The following PRKCE variants were observed in gnomAD, a reference collection of about 807,000 sequenced individuals.
The protein encoded by PRKCE is protein kinase C epsilon type.
In PRKCE, 16 loss-of-function variants were observed where a neutral mutation model predicts 85.4. The ratio of observed to expected loss-of-function variants is 0.19; its 90% CI spans 0.13 to 0.28. The LOEUF (loss-of-function observed/expected upper bound fraction) is 0.28. PRKCE is among the 10% of genes least tolerant of loss of function. PRKCE has a pLI of 1.00. For missense variants in PRKCE, 573 were observed against 975.2 expected (o/e 0.59, Z 5.49); for synonymous variants, 388 against 371.5 (o/e 1.04, Z -0.51).
chr2:45,726,374 G>T (rs1414901394), intron 1 of PRKCE, among the ~76,000 whole-genome samples: 1 of 152,114 alleles, frequency 6.6e-6, no homozygotes, highest in Non-Finnish European at 1.5e-5. Flanking sequence ...TTGCTGTGGG[G>T]TTGCCACAGC....
At chr2:45,934,984 G>T (rs768857364) in intron 2 of PRKCE, among the ~76,000 whole-genome samples, 1 of 151,420 alleles carries the variant, frequency 6.6e-6, no homozygotes, top group African/African-American at 2.4e-5. Context: ...TTGCTTGATC[G>T]TGGGAGGTTG....
At chr2:46,030,955 T>A (rs940943528) in intron 10 of PRKCE, among the ~76,000 whole-genome samples, 1 of 152,234 alleles carries the variant, frequency 6.6e-6, no homozygotes, top group African/African-American at 2.4e-5. Context: ...CGGTCCTGTA[T>A]ACATCATTTG....
intron 2 of PRKCE, among the ~76,000 whole-genome samples, chr2:45,898,276 AAG>A (rs1361358639): frequency 6.6e-6 from 1 of 152,202 alleles, no homozygotes; most frequent in Non-Finnish European, 1.5e-5. Flanking sequence ...AGGGAGGAGT[AAG>A]AGAGAATTTG....
At chr2:45,945,672 C>A (rs1448140250) in intron 2 of PRKCE, among the ~76,000 whole-genome samples, 1 of 152,226 alleles carries the variant, frequency 6.6e-6, no homozygotes, top group Non-Finnish European at 1.5e-5. Flanking sequence ...CCTCACAGTC[C>A]CCTGCAAGGC....
At chr2:45,885,477 G>T (rs1695226340) in intron 2 of PRKCE, among the ~76,000 whole-genome samples, 2 of 152,200 alleles carry the variant, frequency 1.3e-5, no homozygotes, top group African/African-American at 4.8e-5. Flanking sequence ...TTGGGTTGGA[G>T]AGAGAGAGTG....
intron 1 of PRKCE, among the ~76,000 whole-genome samples, chr2:45,800,952 A>T (rs1330551149): frequency 6.6e-6 from 1 of 152,226 alleles, no homozygotes; most frequent in East Asian, 1.9e-4. Context: ...AAACTAACGC[A>T]GTCATAGAGA....
chr2:45,727,427 C>T (rs1019196144), intron 1 of PRKCE, among the ~76,000 whole-genome samples: 2 of 152,058 alleles, frequency 1.3e-5, no homozygotes, highest in African/African-American at 2.4e-5. Context: ...GGGGGCTTCC[C>T]GGAGGACGGG....
chr2:45,726,035 C>G (rs2104505521), intron 1 of PRKCE, among the ~76,000 whole-genome samples: 1 of 152,272 alleles, frequency 6.6e-6, no homozygotes, highest in Non-Finnish European at 1.5e-5. Flanking sequence ...GAAATGGAGC[C>G]TGGCGATGTG....
At chr2:45,729,047 A>C (rs888331653) in intron 1 of PRKCE, among the ~76,000 whole-genome samples, 1 of 152,096 alleles carries the variant, frequency 6.6e-6, no homozygotes, top group African/African-American at 2.4e-5. Flanking sequence ...CCCACCAGGG[A>C]TCTTGCTCTC....
intron 1 of PRKCE, among the ~76,000 whole-genome samples, chr2:45,787,820 G>A (rs1289201456): frequency 1.3e-5 from 2 of 152,142 alleles, no homozygotes; most frequent in African/African-American, 4.8e-5. Flanking sequence ...TGACCTCAAG[G>A]GATGAAGTTC....
chr2:45,783,958 G>T (rs767151613), intron 1 of PRKCE, among the ~76,000 whole-genome samples: 4 of 152,190 alleles, frequency 2.6e-5, no homozygotes, highest in African/African-American at 9.6e-5. Context: ...CCATGACTTC[G>T]AACTTTGTTA....
chr2:46,095,902 C>G (rs1670637979), intron 11 of PRKCE, among the ~76,000 whole-genome samples: 1 of 152,244 alleles, frequency 6.6e-6, no homozygotes, highest in African/African-American at 2.4e-5. Context: ...TAGCCAGACA[C>G]TATTCTAAAC....
intron 2 of PRKCE, among the ~76,000 whole-genome samples, chr2:45,968,013 G>A (rs1402934164): frequency 6.6e-6 from 1 of 152,164 alleles, no homozygotes; most frequent in Admixed American, 6.5e-5. Context: ...AACACAAAGG[G>A]TAGGGGACTG....
At chr2:45,957,375 T>C (rs1701042283) in intron 2 of PRKCE, among the ~76,000 whole-genome samples, 1 of 152,272 alleles carries the variant, frequency 6.6e-6, no homozygotes, top group South Asian at 2.1e-4. Context: ...AGACTGCCAT[T>C]TCTCCATTCA....
intron 2 of PRKCE, among the ~76,000 whole-genome samples, chr2:45,961,914 C>G (rs539201781): frequency 1.3e-3 from 202 of 152,218 alleles, no homozygotes; most frequent in Non-Finnish European, 2.5e-3. Context: ...AGGCTGGTCT[C>G]GAAATCCCGA....
intron 1 of PRKCE, among the ~76,000 whole-genome samples, chr2:45,667,202 T>G (rs1009019464): frequency 6.6e-6 from 1 of 151,710 alleles, no homozygotes; most frequent in Non-Finnish European, 1.5e-5. Context: ...TCCCAGCTAC[T>G]TGGGAGGCTG....
chr2:45,876,952 G>A lies in PRKCE; in HGVS notation c.412+33889G>A, dbSNP rs1694523477. ...TTCTTCATTTACTAGTTTGAAACAT[G>A]AGCATTCTTGTTATCCTTAGTGACT... is the stretch of plus-strand genomic sequence containing the variant. On this transcript the variant is annotated intron_variant, in intron 2 of 14. Transcript: ENST00000306156. Among the ~76,000 whole-genome samples the A allele has an allele frequency of 2.0e-5, 3 of 152,154 alleles. No homozygotes were observed. The South Asian group carries it at 6.2e-4, about 32-fold the overall frequency.
chr2:46,028,889 T>C (rs1411969649), intron 10 of PRKCE, among the ~76,000 whole-genome samples: 3 of 152,174 alleles, frequency 2.0e-5, no homozygotes, highest in Non-Finnish European at 4.4e-5. Flanking sequence ...TAGCTCTCAC[T>C]TACAAGTGAG....
At chr2:45,681,842 C>G (rs1393693432) in intron 1 of PRKCE, among the ~76,000 whole-genome samples, 4 of 152,210 alleles carry the variant, frequency 2.6e-5, no homozygotes, top group Admixed American at 2.0e-4. Flanking sequence ...TCAGCAGTCA[C>G]TACTCCTGTG....
Sources: allele counts gnomAD v4.1 joint callset (sites outside exome capture counted in the v4.1 genomes callset), GRCh38; gene constraint gnomAD v4.1.1; transcripts MANE v1.5; gene names NCBI Gene and HGNC (gene_info 2026-07-23, HGNC 2026-07-21).